The following NEBL variants were observed in gnomAD, a reference collection of about 807,000 sequenced individuals.
NEBL encodes the protein nebulette.
NEBL carries 122 observed loss-of-function variants against 140.2 expected under a neutral mutation model. The ratio of observed to expected loss-of-function variants is 0.87; its 90% CI spans 0.75 to 1.01. The LOEUF (loss-of-function observed/expected upper bound fraction) is 1.01, where lower values mean the gene tolerates loss of function less well. NEBL is among the 50% of genes least tolerant of loss of function. NEBL has a pLI of 0.00. For synonymous variants in NEBL, 436 were observed against 398.9 expected, an observed-to-expected ratio of 1.09 and a Z score of -1.11; for missense variants, 1,365 against 1,231.3, an observed-to-expected ratio of 1.11 and a Z score of -1.62.
At chr10:21,093,683 A>G (rs1837029913) in intron 2 of NEBL, among the ~76,000 whole-genome samples, 3 of 152,268 alleles carry the variant, frequency 2.0e-5, no homozygotes, top group African/African-American at 7.2e-5. Flanking sequence ...TCTTCAGCTC[A>G]TGTATCCACA....
chr10:20,906,206 C>T (rs879408878), intron 4 of NEBL, among the ~76,000 whole-genome samples: 2 of 152,140 alleles, frequency 1.3e-5, no homozygotes, highest in African/African-American at 4.8e-5. Context: ...TCTATAATTA[C>T]AGCTTTATTA....
At chr10:21,109,526 G>T (rs1837875142) in intron 2 of NEBL, among the ~76,000 whole-genome samples, 1 of 152,072 alleles carries the variant, frequency 6.6e-6, no homozygotes, top group Non-Finnish European at 1.5e-5. Flanking sequence ...AATGAATTAG[G>T]GAGGATTCCC....
chr10:21,038,736 A>G (rs1431750579), intron 2 of NEBL, among the ~76,000 whole-genome samples: 1 of 152,118 alleles, frequency 6.6e-6, no homozygotes, highest in African/African-American at 2.4e-5. Context: ...CAGTAATGGG[A>G]TTGCTGGGTC....
At chr10:21,169,069 T>TATATAC (rs1341042181) in intron 2 of NEBL, among the ~76,000 whole-genome samples, 2 of 24,586 alleles carry the variant, frequency 8.1e-5, no homozygotes, top group Non-Finnish European at 1.5e-4. Context: ...AAAAAAAAAA[T>TATATAC]ATATATATAT....
intron 2 of NEBL, among the ~76,000 whole-genome samples, chr10:21,121,991 G>A (rs1564518634): frequency 6.8e-6 from 1 of 146,470 alleles, no homozygotes; most frequent in Non-Finnish European, 1.5e-5. Context: ...AGGAATGTGG[G>A]GATTTCTCCT....
intron 1 of NEBL, among the ~76,000 whole-genome samples, chr10:21,284,607 C>T (rs6482175): frequency 0.84 from 127,543 of 152,134 alleles, 53,692 homozygotes; most frequent in East Asian, 0.99. Context: ...GGATAGCACA[C>T]ATAAAGGAAG....
chr10:20,856,429 C>T (rs953172979), intron 9 of NEBL, among the ~76,000 whole-genome samples: 4 of 152,106 alleles, frequency 2.6e-5, no homozygotes, highest in African/African-American at 9.7e-5. Flanking sequence ...ACATGAATCC[C>T]CATGTCCCTA....
intron 3 of NEBL, among the ~76,000 whole-genome samples, chr10:21,191,220 A>G (rs1484576954): frequency 6.6e-6 from 1 of 152,066 alleles, no homozygotes; most frequent in Non-Finnish European, 1.5e-5. Context: ...TTTAATGAAC[A>G]CTCCTAGGAG....
At chr10:21,140,012 A>C (rs1326762803) in intron 2 of NEBL, among the ~76,000 whole-genome samples, 7 of 151,490 alleles carry the variant, frequency 4.6e-5, no homozygotes, top group African/African-American at 1.7e-4. Flanking sequence ...AAAAAATACA[A>C]AAATTAGGCG....
chr10:21,251,753 CAG>C (rs894558764), exon 2 of NEBL, among the ~76,000 whole-genome samples: 37 of 152,114 alleles, frequency 2.4e-4, no homozygotes, highest in African/African-American at 6.5e-4. Flanking sequence ...TATGAGGACA[CAG>C]AGAAAAGATG....
chr10:20,791,843 G>A (rs191347039), intron 26 of NEBL, among the ~76,000 whole-genome samples: 1 of 152,318 alleles, frequency 6.6e-6, no homozygotes, highest in Middle Eastern at 3.4e-3. Context: ...GGGGATGTAC[G>A]CAGAGTGCGT....
At chr10:20,920,218 C>A (rs1833515119) in intron 4 of NEBL, among the ~76,000 whole-genome samples, 1 of 152,144 alleles carries the variant, frequency 6.6e-6, no homozygotes, top group Non-Finnish European at 1.5e-5. Context: ...TGGTTCAACC[C>A]CAGTGGAGGA....
At chr10:20,976,293 G>C (rs1201005340) in intron 3 of NEBL, among the ~76,000 whole-genome samples, 2 of 146,136 alleles carry the variant, frequency 1.4e-5, no homozygotes, top group Admixed American at 6.9e-5. Context: ...AGTGAGCCGA[G>C]ATCACACCAC....
chr10:20,901,855 A>T (rs78237499), upstream of NEBL, among the ~76,000 whole-genome samples: 626 of 152,352 alleles, frequency 4.1e-3, 6 homozygotes, highest in African/African-American at 0.014. Flanking sequence ...TCTTCCCAGA[A>T]CAGAACTTTA....
chr10:20,850,082 T>C (rs934826447), intron 11 of NEBL, among the ~76,000 whole-genome samples: 2 of 152,218 alleles, frequency 1.3e-5, no homozygotes, highest in African/African-American at 2.4e-5. Flanking sequence ...TTTACATTAA[T>C]ATCTGAAAGG....
chr10:21,121,781 C>T (rs1436927172), intron 2 of NEBL, among the ~76,000 whole-genome samples: 2 of 152,282 alleles, frequency 1.3e-5, no homozygotes, highest in South Asian at 2.1e-4. Flanking sequence ...GCACATTAGA[C>T]AGCCTGGAGA....
intron 2 of NEBL, among the ~76,000 whole-genome samples, chr10:21,105,609 C>G (rs775009981): frequency 2.0e-5 from 3 of 152,060 alleles, no homozygotes; most frequent in Non-Finnish European, 4.4e-5. Context: ...GGGTTGGTTC[C>G]AAGTCTTTGC....
At chr10:20,859,691 T>C (rs1432383803) in intron 8 of NEBL, 22 bp downstream of exon 8, 2 of 1,444,858 alleles carry the variant, frequency 1.4e-6, no homozygotes, top group Non-Finnish European at 9.7e-7. Context: ...TTGAAAATAA[T>C]TTTCTATGAA....
At chr10:20,841,214 A>G (rs1841386543) in intron 12 of NEBL, among the ~76,000 whole-genome samples, 1 of 152,160 alleles carries the variant, frequency 6.6e-6, no homozygotes, top group African/African-American at 2.4e-5. Context: ...CATTACCAAA[A>G]AAGAACATGG....
Sources: allele counts gnomAD v4.1 joint callset (sites outside exome capture counted in the v4.1 genomes callset), GRCh38; gene constraint gnomAD v4.1.1; transcripts MANE v1.5; gene names NCBI Gene and HGNC (gene_info 2026-07-23, HGNC 2026-07-21).